RAD54L2: variants seen among roughly 807,000 people sequenced by gnomAD.
RAD54L2 encodes helicase ARIP4.
Under a neutral mutation model 138.4 loss-of-function variants are expected in RAD54L2, and 27 were observed. The ratio of observed to expected loss-of-function variants is 0.20; its 90% CI spans 0.14 to 0.27. The LOEUF (loss-of-function observed/expected upper bound fraction) is 0.27, where lower values mean the gene tolerates loss of function less well. Among genes scored for constraint, RAD54L2 ranks in the 10% least tolerant of loss-of-function variants. The pLI, the probability that RAD54L2 is intolerant of heterozygous loss-of-function variation, is 1.00. For synonymous variants in RAD54L2, 644 were observed against 723.2 expected, an observed-to-expected ratio of 0.89 and a Z score of 1.76; for missense variants, 1,396 against 1,890.2, an observed-to-expected ratio of 0.74 and a Z score of 4.85.
At chr3:51,629,606 C>G in intron 5 of RAD54L2, 133 bp downstream of exon 5, 1 of 1,174,530 alleles carries the variant, frequency 8.5e-7, no homozygotes, top group Non-Finnish European at 1.2e-6. Context: ...CGCCTGTAAT[C>G]CCAGCATTAT....
At chr3:51,540,389 T>C (rs1553671086) in intron 1 of RAD54L2, among the ~76,000 whole-genome samples, 1 of 152,362 alleles carries the variant, frequency 6.6e-6, no homozygotes, top group African/African-American at 2.4e-5. Context: ...AGAAGTATTA[T>C]CCATCTTCAA....
chr3:51,546,784 T>C (rs1319400563), intron 2 of RAD54L2, among the ~76,000 whole-genome samples: 8 of 148,886 alleles, frequency 5.4e-5, no homozygotes, highest in South Asian at 2.2e-4. Context: ...ATCCCAGCAC[T>C]TTGGGAGGCT....
intron 3 of RAD54L2, among the ~76,000 whole-genome samples, chr3:51,615,232 CT>C (rs750860609): frequency 9.9e-5 from 15 of 152,178 alleles, no homozygotes; most frequent in Non-Finnish European, 2.1e-4. Context: ...CCAGGCTGAT[CT>C]TGAACTCCTG....
intron 3 of RAD54L2, among the ~76,000 whole-genome samples, chr3:51,612,691 T>TAA (rs11299726): frequency 1.4e-5 from 2 of 141,800 alleles, no homozygotes; most frequent in Non-Finnish European, 3.1e-5. Flanking sequence ...GTCTTTGTTG[T>TAA]AAAAAAAAAA....
chr3:51,640,102 T>C, intron 14 of RAD54L2, 103 bp downstream of exon 14: 3 of 768,210 alleles, frequency 3.9e-6, no homozygotes, highest in Non-Finnish European at 6.4e-6. Flanking sequence ...CCAAGTGCTA[T>C]TGTGAGGACC....
At chr3:51,548,549 T>C (rs1248838141) in intron 2 of RAD54L2, among the ~76,000 whole-genome samples, 1 of 152,090 alleles carries the variant, frequency 6.6e-6, no homozygotes. Flanking sequence ...AATATCCCCA[T>C]TGTACAGATG....
chr3:51,614,308 T>C (rs1404789005), intron 3 of RAD54L2, among the ~76,000 whole-genome samples: 5 of 152,116 alleles, frequency 3.3e-5, no homozygotes, highest in Admixed American at 3.3e-4. Flanking sequence ...ACTATAGGCA[T>C]GCGCCACCAT....
rs1700916035 is a variant in RAD54L2, at chr3:51,634,050, C to G, written c.1142+15C>G. Reference sequence around the variant, plus strand: ...GATGAGCACAAGTAGGTGGCCTGCCCTTTCCTCTCTGCCCCTTTCCTTTTA... The same window carrying G: ...GATGAGCACAAGTAGGTGGCCTGCCGTTTCCTCTCTGCCCCTTTCCTTTTA... On this transcript the variant is annotated intron_variant, in intron 9 of 22. Transcript: ENST00000684192. 1.2e-6 allele frequency: 2 copies of G among 1,611,190 alleles called. No individual in the cohort carries two copies. The highest frequency in any genetic ancestry group is 4.5e-5 in the East Asian group (2 of 44,876).
At chr3:51,568,814 C>CT (rs1184405494) in intron 2 of RAD54L2, among the ~76,000 whole-genome samples, 1 of 152,022 alleles carries the variant, frequency 6.6e-6, no homozygotes, top group African/African-American at 2.4e-5. Context: ...GTAGTGCTAT[C>CT]TTTCATTTTT....
At chr3:51,576,837 GTC>G (rs1205719915) in intron 2 of RAD54L2, among the ~76,000 whole-genome samples, 4 of 151,786 alleles carry the variant, frequency 2.6e-5, no homozygotes, top group African/African-American at 9.7e-5. Context: ...GGTTTTTTGT[GTC>G]TCTATTTCCT....
At chr3:51,608,593 G>A (rs1700257809) in intron 3 of RAD54L2, among the ~76,000 whole-genome samples, 1 of 152,218 alleles carries the variant, frequency 6.6e-6, no homozygotes. Flanking sequence ...GGGAGGCTGA[G>A]GCTGGCAGAT....
chr3:51,641,614 A>C (rs1701138862), intron 14 of RAD54L2, 135 bp from the exon 15 acceptor site: 3 of 609,710 alleles, frequency 4.9e-6, no homozygotes, highest in African/African-American at 1.9e-5. Flanking sequence ...ACCGTGCCCA[A>C]CCTAGAGTTA....
At chr3:51,646,955 T>C (rs1701294790) in intron 19 of RAD54L2, among the ~76,000 whole-genome samples, 2 of 152,166 alleles carry the variant, frequency 1.3e-5, no homozygotes, top group Non-Finnish European at 2.9e-5. Context: ...GAGTATAACA[T>C]CTAGACTTGT....
intron 22 of RAD54L2, among the ~76,000 whole-genome samples, chr3:51,660,371 C>T (rs929888981): frequency 1.3e-5 from 2 of 151,288 alleles, no homozygotes; most frequent in Non-Finnish European, 2.9e-5. Flanking sequence ...TGCAGTGGCT[C>T]GATCTTGGCT....
intron 2 of RAD54L2, among the ~76,000 whole-genome samples, chr3:51,562,546 G>A (rs1699123452): frequency 6.6e-6 from 1 of 151,922 alleles, no homozygotes; most frequent in Admixed American, 6.6e-5. Flanking sequence ...TGTATTTTTA[G>A]TACAGACAGG....
chr3:51,648,238 T>G (rs1201455720), intron 19 of RAD54L2, among the ~76,000 whole-genome samples: 1 of 152,140 alleles, frequency 6.6e-6, no homozygotes, highest in Non-Finnish European at 1.5e-5. Flanking sequence ...GCAGCCTGGC[T>G]GGGGGAGAGG....
intron 2 of RAD54L2, among the ~76,000 whole-genome samples, chr3:51,551,444 T>A (rs1698835100): frequency 6.6e-6 from 1 of 151,886 alleles, no homozygotes; most frequent in African/African-American, 2.4e-5. Flanking sequence ...AATTTAATTT[T>A]TTTTTTTTTT....
intron 2 of RAD54L2, among the ~76,000 whole-genome samples, chr3:51,542,435 A>C (rs141500032): frequency 2.0e-5 from 3 of 151,742 alleles, no homozygotes; most frequent in African/African-American, 7.3e-5. Context: ...CAGGTGAGGA[A>C]ATTTTGAGGT....
intron 2 of RAD54L2, among the ~76,000 whole-genome samples, chr3:51,577,434 T>C (rs1048231855): frequency 5.9e-5 from 9 of 152,192 alleles, no homozygotes; most frequent in Admixed American, 3.9e-4. Flanking sequence ...TGTCTAATGT[T>C]GACAGTGGGG....
Sources: allele counts gnomAD v4.1 joint callset (sites outside exome capture counted in the v4.1 genomes callset), GRCh38; gene constraint gnomAD v4.1.1; transcripts MANE v1.5; gene names NCBI Gene and HGNC (gene_info 2026-07-23, HGNC 2026-07-21).